The following SH3RF3 variants were observed in gnomAD, a reference collection of about 807,000 sequenced individuals.
SH3RF3 encodes E3 ubiquitin-protein ligase SH3RF3.
SH3RF3 carries 29 observed loss-of-function variants against 66.3 expected under a neutral mutation model. The ratio of observed to expected loss-of-function variants is 0.44; its 90% confidence interval spans 0.33 to 0.60. The LOEUF (loss-of-function observed/expected upper bound fraction) is 0.60. Among genes scored for constraint, SH3RF3 ranks in the 20% least tolerant of loss-of-function variants. SH3RF3 has a pLI of 0.04. For synonymous variants in SH3RF3, 583 were observed against 532.0 expected (o/e 1.10, Z -1.32); for missense variants, 1,194 against 1,190.9 (o/e 1.00, Z -0.04).
At chr2:109,490,960 C>G in intron 9 of SH3RF3, 24 bp downstream of exon 9, 1 of 1,428,292 alleles carries the variant, frequency 7.0e-7, no homozygotes, top group African/African-American at 1.4e-5. Context: ...CTTGTCTGCT[C>G]TGTGGCATGC....
intron 6 of SH3RF3, among the ~76,000 whole-genome samples, chr2:109,435,692 C>G (rs1433665387): frequency 1.3e-5 from 2 of 152,378 alleles, no homozygotes; most frequent in East Asian, 3.9e-4. Flanking sequence ...AGATGTGTGT[C>G]TGTATCTGTT....
In SH3RF3 at chr2:109,501,386, A is replaced by G. The variant is rs1248646806; in HGVS notation, c.2481-117A>G. Reference sequence around the variant, plus strand: ...AAAAATAAAGATAAATAGAAATTGTATAAAGTGGGAAAATAGCAGCAAATA... The same window carrying G: ...AAAAATAAAGATAAATAGAAATTGTGTAAAGTGGGAAAATAGCAGCAAATA... On this transcript the variant is annotated intron_variant, in intron 9 of 9. Coordinates refer to ENST00000309415, the MANE Select transcript of SH3RF3 (RefSeq NM_001099289.3). 6 of 560,828 alleles carry G rather than the reference A, an allele frequency of 1.1e-5. No individual in the cohort carries two copies. In the Admixed American group the frequency reaches 1.8e-4, roughly 16 times the overall value. The allele number at this position is 560,828 out of a possible 1,614,324, so 34.7% of individuals were successfully genotyped here.
chr2:109,276,138 C>G (rs1406557692), intron 1 of SH3RF3, among the ~76,000 whole-genome samples: 3 of 152,140 alleles, frequency 2.0e-5, no homozygotes, highest in Non-Finnish European at 2.9e-5. Flanking sequence ...TTGGCTGAAC[C>G]CACGAGGGTT....
intron 1 of SH3RF3, among the ~76,000 whole-genome samples, chr2:109,186,989 G>C (rs1411159501): frequency 6.6e-6 from 1 of 152,104 alleles, no homozygotes; most frequent in African/African-American, 2.4e-5. Context: ...CTAGAAGTTT[G>C]CTCGTCTCCC....
At chr2:109,353,927 C>T (rs916506720) in intron 2 of SH3RF3, among the ~76,000 whole-genome samples, 5 of 152,124 alleles carry the variant, frequency 3.3e-5, no homozygotes, top group Admixed American at 6.5e-5. Flanking sequence ...AGTTCAGATA[C>T]GTGAACACGA....
chr2:109,416,392 C>G (rs1327000740), intron 4 of SH3RF3, among the ~76,000 whole-genome samples: 1 of 151,946 alleles, frequency 6.6e-6, no homozygotes, highest in African/African-American at 2.4e-5. Context: ...GTCAGGAGTT[C>G]AAGACTAGCC....
At chr2:109,479,592 G>A (rs558029637) in intron 8 of SH3RF3, among the ~76,000 whole-genome samples, 105 of 152,306 alleles carry the variant, frequency 6.9e-4, no homozygotes, top group African/African-American at 2.3e-3. Flanking sequence ...GCAGGGCCAG[G>A]TGTGCCCGTA....
chr2:109,189,093 T>C (rs1337951891), intron 1 of SH3RF3, among the ~76,000 whole-genome samples: 1 of 152,060 alleles, frequency 6.6e-6, no homozygotes, highest in African/African-American at 2.4e-5. Context: ...GAAGCCACTC[T>C]CTGAGAGAGA....
rs70958705 is a variant in SH3RF3, at chr2:109,365,051, A to AAAACAAACAAACAAAC, written c.850-6523_850-6508dup. On this transcript the variant is annotated intron_variant, in intron 2 of 9. Transcript: ENST00000309415. Reference sequence around the variant, plus strand: ...GAAACACAGACACACACACACATATAAAACAAACAAACAAACAAACAAACA... The same window carrying AAAACAAACAAACAAAC: ...GAAACACAGACACACACACACATATAAAACAAACAAACAAACAAACAAACAAACAAACAAACAAACA... Among the ~76,000 whole-genome samples, 723 of 151,598 alleles carry AAAACAAACAAACAAAC rather than the reference A, an allele frequency of 4.8e-3. 2 individuals carry two copies. Among genetic ancestry groups the AAAACAAACAAACAAAC allele is most frequent in the African/African-American group, 0.016 (648 of 41,300 alleles).
At chr2:109,386,512 A>G (rs1675828847) in intron 3 of SH3RF3, among the ~76,000 whole-genome samples, 1 of 152,096 alleles carries the variant, frequency 6.6e-6, no homozygotes, top group South Asian at 2.1e-4. Context: ...AACTTTATTT[A>G]CAAAAACCAG....
rs771474459 is a variant in SH3RF3, at chr2:109,432,510, G to T, written c.1413G>T (p.Ala471=). 6 of 1,613,394 alleles carry T rather than the reference G, an allele frequency of 3.7e-6. No homozygotes were observed. The Admixed American group carries it at 6.7e-5, about 18-fold the overall frequency. ...CATGCTTTGCCCGCAGGTACCTGGC[G>T]CTCTACGCCTACAAGCCCCAGAAGA... ...KVQLPLNVYL[A]LYAYKPQKSD... is the part of the protein sequence containing the mutation. The change falls in exon 6 of 10, where the codon GCG becomes GCT. Residue 471 remains alanine (A), a synonymous_variant. Coordinates refer to ENST00000309415, the MANE Select transcript of SH3RF3 (RefSeq NM_001099289.3).
intron 8 of SH3RF3, among the ~76,000 whole-genome samples, chr2:109,463,009 A>G (rs1477351131): frequency 6.6e-6 from 1 of 152,186 alleles, no homozygotes; most frequent in African/African-American, 2.4e-5. Flanking sequence ...AGCCTGGGAG[A>G]AAGATTAACA....
In SH3RF3 at chr2:109,282,863, G is replaced by A. The variant is rs1680930833; in HGVS notation, c.574-64811G>A. On this transcript the variant is annotated intron_variant, in intron 1 of 9. Coordinates refer to ENST00000309415, the MANE Select transcript of SH3RF3 (RefSeq NM_001099289.3). ...GGTAATGGTCCTCCTGTGAGGAGAG[G>A]AGCTATGGATGGGGAGTCTGATGGC... Among the ~76,000 whole-genome samples the A allele has an allele frequency of 3.9e-5, 6 of 152,264 alleles. 1 individual carries two copies. In the South Asian group the frequency reaches 1.2e-3, roughly 32 times the overall value.
At chr2:109,298,855 TCAAA>T (rs936221442) in intron 1 of SH3RF3, among the ~76,000 whole-genome samples, 1 of 152,164 alleles carries the variant, frequency 6.6e-6, no homozygotes, top group East Asian at 1.9e-4. Context: ...GCATCTATTC[TCAAA>T]CAGTGACCAG....
At chr2:109,189,837 G>A (rs1270949726) in intron 1 of SH3RF3, among the ~76,000 whole-genome samples, 1 of 152,190 alleles carries the variant, frequency 6.6e-6, no homozygotes, top group African/African-American at 2.4e-5. Flanking sequence ...CAAGCCGACA[G>A]TGGCCAGAGA....
intron 8 of SH3RF3, among the ~76,000 whole-genome samples, chr2:109,476,088 G>T (rs1044605036): frequency 1.3e-5 from 2 of 152,178 alleles, no homozygotes; most frequent in African/African-American, 4.8e-5. Flanking sequence ...TTGTAAGAGG[G>T]CAGATCTCAG....
intron 1 of SH3RF3, among the ~76,000 whole-genome samples, chr2:109,130,468 C>T (rs1243157757): frequency 1.3e-5 from 2 of 152,240 alleles, no homozygotes; most frequent in African/African-American, 4.8e-5. Context: ...GACACTCCCT[C>T]TGCACACCCT....
intron 1 of SH3RF3, among the ~76,000 whole-genome samples, chr2:109,270,787 C>T (rs1197678659): frequency 6.6e-6 from 1 of 152,180 alleles, no homozygotes; most frequent in Non-Finnish European, 1.5e-5. Context: ...GCCAGGCATA[C>T]CTGCCCATGG....
chr2:109,431,157 G>A (rs1677201389), intron 5 of SH3RF3, among the ~76,000 whole-genome samples: 1 of 152,184 alleles, frequency 6.6e-6, no homozygotes, highest in South Asian at 2.1e-4. Context: ...TCCAGCATCA[G>A]GAGGGTGCAA....
Sources: gnomAD v4.1 joint callset for allele counts (sites outside exome capture counted in the v4.1 genomes callset) on GRCh38, gnomAD v4.1.1 for gene constraint, MANE v1.5 for transcripts, NCBI Gene and HGNC (gene_info 2026-07-23, HGNC 2026-07-21) for gene names.